Variants in NR6A1 observed in about 807,000 individuals in gnomAD.
NR6A1 encodes the protein retinoic acid receptor-related testis-associated receptor.
NR6A1 carries 7 observed loss-of-function variants against 59.1 expected under a neutral mutation model. The ratio of observed to expected loss-of-function variants is 0.12; its 90% CI spans 0.07 to 0.22. The LOEUF (loss-of-function observed/expected upper bound fraction) is 0.22, where lower values mean the gene tolerates loss of function less well. NR6A1 is among the 10% of genes least tolerant of loss of function. NR6A1 has a pLI of 1.00. For synonymous variants in NR6A1, 243 were observed against 236.1 expected (o/e 1.03, Z -0.27); for missense variants, 468 against 611.6 (o/e 0.77, Z 2.48).
rs117081645 is a variant in NR6A1 at position 124,619,623 on chromosome 9, A to G, written c.143-65053T>C. Among the ~76,000 whole-genome samples the G allele has an allele frequency of 6.8e-3, 1,039 of 152,296 alleles. 16 individuals are homozygous for G. Among genetic ancestry groups the G allele is most frequent in the East Asian group, 0.032 (167 of 5,188 alleles). ...TGGAAAGTCTAGAACCAGAGTATAC[A>G]TCAGACTGCCCAGGTTTCAGTTTTG... On this transcript the variant is annotated intron_variant, in intron 2 of 9. Coordinates refer to ENST00000487099, the MANE Select transcript of NR6A1 (RefSeq NM_033334.4).
chr9:124,675,262 C>T (rs559504416), intron 2 of NR6A1, among the ~76,000 whole-genome samples: 104 of 152,318 alleles, frequency 6.8e-4, no homozygotes, highest in Middle Eastern at 3.4e-3. Context: ...AAACAAAATA[C>T]TAAATTGTAT....
chr9:124,537,332 C>T (rs1833298856), intron 6 of NR6A1, among the ~76,000 whole-genome samples: 1 of 152,196 alleles, frequency 6.6e-6, no homozygotes, highest in East Asian at 1.9e-4. Flanking sequence ...GGTGATCCGC[C>T]CACCTAGGCC....
Position 124,624,585 on chromosome 9 carries a change from A to C in NR6A1, c.143-70015T>G, listed in dbSNP as rs77075055. On this transcript the variant is annotated intron_variant, in intron 2 of 9. Coordinates refer to ENST00000487099, the MANE Select transcript of NR6A1 (RefSeq NM_033334.4). ...TGGGACGGGAGTTATCCTAGGACAC[A>C]CTGACTACTTTCATAGGACCATGAG... is the stretch of plus-strand genomic sequence containing the variant. Among the ~76,000 whole-genome samples the C allele has an allele frequency of 5.7e-3, 871 of 152,320 alleles. 32 individuals carry two copies. In the East Asian group the frequency reaches 0.096, roughly 17 times the overall value.
Position 124,630,670 on chromosome 9 carries a change from C to CTTTTTTTTTTTTT in NR6A1, c.143-76113_143-76101dup, listed in dbSNP as rs71372980. Among the ~76,000 whole-genome samples, 5 of 59,504 alleles carry CTTTTTTTTTTTTT rather than the reference C, an allele frequency of 8.4e-5. 1 individual carries two copies. The highest frequency in any genetic ancestry group is 3.6e-4 in the African/African-American group (5 of 13,838). The allele number at this position is 59,504 out of a possible 152,430, so 39.0% of individuals were successfully genotyped here. A position where few individuals can be genotyped will look rare whatever the true frequency, so the allele number is the denominator to read the frequency against. On this transcript the variant is annotated intron_variant, in intron 2 of 9. Transcript: ENST00000487099. ...GACCCCTGGGCAAGTTACTACATTT[C>CTTTTTTTTTTTTT]TTTTTTTTTTTTTTTTTTTTTTTTT...
At chr9:124,576,702 A>C (rs1029516645) in intron 2 of NR6A1, among the ~76,000 whole-genome samples, 3 of 152,190 alleles carry the variant, frequency 2.0e-5, no homozygotes, top group Non-Finnish European at 2.9e-5. Context: ...TTTTGTGAGA[A>C]TTAAGAGATT....
At chr9:124,578,160 T>C (rs1390729732) in intron 2 of NR6A1, among the ~76,000 whole-genome samples, 4 of 152,226 alleles carry the variant, frequency 2.6e-5, no homozygotes, top group South Asian at 4.1e-4. Flanking sequence ...AACATTGGAA[T>C]GTCTCCTGGG....
rs930806579 is a variant in NR6A1 at position 124,565,017 on chromosome 9, A to G, written c.143-10447T>C. Among the ~76,000 whole-genome samples the G allele has an allele frequency of 2.6e-5, 4 of 152,178 alleles. No individual in the cohort carries two copies. The South Asian group carries it at 6.2e-4, about 24-fold the overall frequency. ...AATTTGATATCTATATGGGAAAAAA[A>G]TGAAACCCAATTCTACTATAATTTA... is the stretch of plus-strand genomic sequence containing the variant. On this transcript the variant is annotated intron_variant, in intron 2 of 9. Coordinates refer to ENST00000487099, the MANE Select transcript of NR6A1 (RefSeq NM_033334.4).
chr9:124,626,776 A>C (rs895191955), intron 2 of NR6A1, among the ~76,000 whole-genome samples: 1 of 152,066 alleles, frequency 6.6e-6, no homozygotes, highest in African/African-American at 2.4e-5. Context: ...TCTACTAAAA[A>C]TACAAAAATT....
At chr9:124,589,639 A>G (rs1200022237) in intron 2 of NR6A1, among the ~76,000 whole-genome samples, 2 of 152,234 alleles carry the variant, frequency 1.3e-5, no homozygotes, top group Admixed American at 6.5e-5. Flanking sequence ...TTAAATGCTC[A>G]CAGGAATGGT....
intron 2 of NR6A1, among the ~76,000 whole-genome samples, chr9:124,705,832 G>A (rs1043717914): frequency 4.0e-5 from 6 of 150,746 alleles, no homozygotes; most frequent in Non-Finnish European, 8.8e-5. Flanking sequence ...CTGGAGTGCA[G>A]TGGTGTGATC....
intron 2 of NR6A1, among the ~76,000 whole-genome samples, chr9:124,649,649 A>G (rs1837040578): frequency 6.6e-6 from 1 of 152,206 alleles, no homozygotes; most frequent in Non-Finnish European, 1.5e-5. Flanking sequence ...AAAGAAAACA[A>G]CCGACAAAAT....
intron 2 of NR6A1, among the ~76,000 whole-genome samples, chr9:124,619,322 G>A (rs1290067585): frequency 6.6e-6 from 1 of 152,082 alleles, no homozygotes; most frequent in African/African-American, 2.4e-5. Flanking sequence ...GGAGTGCAGT[G>A]GCGCAATCTT....
Position 124,521,188 on chromosome 9 carries a change from G to A in NR6A1, c.*1517C>T, listed in dbSNP as rs1414847594. On this transcript the variant is annotated 3_prime_UTR_variant, in exon 10 of 10. Transcript: ENST00000487099. ...AGATACCTGGGTGTAGGCAGGACAA[G>A]CACCTGAAAGAGTTCAAAGACAGAC... The A allele has an allele frequency of 3.3e-5, 5 of 152,320 alleles. No individual in the cohort carries two copies. The highest frequency in any genetic ancestry group is 1.2e-4 in the African/African-American group (5 of 41,474). The allele number at this position is 152,320 out of a possible 1,614,324, so 9.4% of individuals were successfully genotyped here.
chr9:124,712,832 C>A (rs2416949), intron 2 of NR6A1, among the ~76,000 whole-genome samples: 1 of 151,882 alleles, frequency 6.6e-6, no homozygotes, highest in Non-Finnish European at 1.5e-5. Flanking sequence ...CATATTAAGT[C>A]TAAACAATCT....
At chr9:124,581,495 C>T (rs1036817715) in intron 2 of NR6A1, among the ~76,000 whole-genome samples, 3 of 151,856 alleles carry the variant, frequency 2.0e-5, no homozygotes, top group African/African-American at 7.3e-5. Context: ...GGGAGGCTGA[C>T]ACAGGAGAAT....
chr9:124,525,698 T>C (rs544763704), intron 8 of NR6A1, among the ~76,000 whole-genome samples: 3 of 146,146 alleles, frequency 2.1e-5, no homozygotes, highest in South Asian at 2.2e-4. Flanking sequence ...TCTCTCTCTC[T>C]CTATATATAT....
chr9:124,611,774 A>AATGAGAGAGAAT (rs1554733162), intron 2 of NR6A1, among the ~76,000 whole-genome samples: 1 of 105,668 alleles, frequency 9.5e-6, no homozygotes, highest in African/African-American at 4.7e-5. Flanking sequence ...AGAGAGAGAG[A>AATGAGAGAGAAT]GAGAGAGAAT....
At chr9:124,758,685 T>C (rs1312602791) in intron 1 of NR6A1, among the ~76,000 whole-genome samples, 1 of 152,212 alleles carries the variant, frequency 6.6e-6, no homozygotes, top group Non-Finnish European at 1.5e-5. Context: ...GAATGAAATT[T>C]ACAGATAAAT....
At chr9:124,668,718 T>C (rs1837701624) in intron 2 of NR6A1, among the ~76,000 whole-genome samples, 1 of 152,182 alleles carries the variant, frequency 6.6e-6, no homozygotes, top group South Asian at 2.1e-4. Flanking sequence ...TTCCAATTAT[T>C]CTCTAATATA....
Sources: gnomAD v4.1 joint callset for allele counts (sites outside exome capture counted in the v4.1 genomes callset) on GRCh38, gnomAD v4.1.1 for gene constraint, MANE v1.5 for transcripts, NCBI Gene and HGNC (gene_info 2026-07-23, HGNC 2026-07-21) for gene names.